EPB41L2: variants seen among roughly 807,000 people sequenced by gnomAD.
EPB41L2 encodes the protein band 4.1-like protein 2.
In EPB41L2, 43 loss-of-function variants were observed where a neutral mutation model predicts 113.0. The observed-to-expected ratio is 0.38, with a 90% confidence interval of 0.30 to 0.49. The LOEUF is 0.49. Among genes scored for constraint, EPB41L2 ranks in the 20% least tolerant of loss-of-function variants. EPB41L2 has a pLI of 0.95. For missense variants in EPB41L2, 1,147 were observed against 1,223.4 expected, an observed-to-expected ratio of 0.94 and a Z score of 0.93; for synonymous variants, 442 against 436.7, an observed-to-expected ratio of 1.01 and a Z score of -0.15.
chr6:130,918,128 A>G (rs1442028071), intron 4 of EPB41L2, among the ~76,000 whole-genome samples: 1 of 152,210 alleles, frequency 6.6e-6, no homozygotes, highest in African/African-American at 2.4e-5. Flanking sequence ...ATCTGGGAGA[A>G]TGTGGGATTA....
At chr6:130,986,516 T>C (rs748038613) in intron 1 of EPB41L2, among the ~76,000 whole-genome samples, 1 of 151,956 alleles carries the variant, frequency 6.6e-6, no homozygotes, top group Non-Finnish European at 1.5e-5. Context: ...TAAAATGGTG[T>C]AGCAGATTCA....
At position 130,961,679 on chromosome 6, in the gene EPB41L2, C is replaced by T. The variant is rs188448327; in HGVS notation, c.-14-5180G>A. On this transcript the variant is annotated intron_variant, in intron 1 of 19. Transcript: ENST00000337057. ...CTTAAAACATTGAGGAAACTGGGAC[C>T]TTACTGTTAACAAAACCCCTGAGCA... 2.0e-5 allele frequency among the ~76,000 whole-genome samples: 3 copies of T among 152,284 alleles called. No individual in the cohort carries two copies. In the East Asian group the frequency reaches 5.8e-4, roughly 29 times the overall value.
At chr6:131,020,782 C>T (rs879259911) in intron 1 of EPB41L2, among the ~76,000 whole-genome samples, 1 of 151,368 alleles carries the variant, frequency 6.6e-6, no homozygotes, top group Non-Finnish European at 1.5e-5. Context: ...GCCAGTAATG[C>T]TCTTGGAACA....
intron 1 of EPB41L2, among the ~76,000 whole-genome samples, chr6:130,997,010 T>C (rs1291858213): frequency 1.3e-5 from 2 of 152,208 alleles, no homozygotes; most frequent in African/African-American, 4.8e-5. Flanking sequence ...TTATAATAAA[T>C]TGGTATTGTG....
intron 11 of EPB41L2, among the ~76,000 whole-genome samples, chr6:130,889,899 C>CAAATATTGCATATT (rs1792224341): frequency 6.6e-6 from 1 of 152,034 alleles, no homozygotes; most frequent in Non-Finnish European, 1.5e-5. Flanking sequence ...TTTTTGTATT[C>CAAATATTGCATATT]TGAAATATGC....
rs1298222459 is a variant in EPB41L2 at position 130,912,580 on chromosome 6, C to G, written c.811-3717G>C. 4.6e-5 allele frequency among the ~76,000 whole-genome samples: 7 copies of G among 152,298 alleles called. No individual in the cohort carries two copies. The East Asian group carries it at 1.4e-3, about 29-fold the overall frequency. ...ATTACTGGTGTCCCAGCTGCATGCA[C>G]TACTGACGTGAGGGGCAGCAGGCCT... On this transcript the variant is annotated intron_variant, in intron 4 of 19. Transcript: ENST00000337057.
chr6:131,059,502 T>A (rs965189803), intron 1 of EPB41L2, among the ~76,000 whole-genome samples: 12 of 152,092 alleles, frequency 7.9e-5, no homozygotes, highest in Admixed American at 5.9e-4. Flanking sequence ...TAGATTTTAG[T>A]CTAGGGCACT....
chr6:131,043,635 C>T (rs1248663991), intron 1 of EPB41L2, among the ~76,000 whole-genome samples: 1 of 152,074 alleles, frequency 6.6e-6, no homozygotes, highest in Admixed American at 6.5e-5. Context: ...TTTGAAGAGA[C>T]CTATCACAAT....
intron 1 of EPB41L2, among the ~76,000 whole-genome samples, chr6:131,029,396 A>ATT (rs1791583759): frequency 1.3e-5 from 2 of 150,550 alleles, no homozygotes; most frequent in African/African-American, 2.4e-5. Context: ...TTGTTTAAAA[A>ATT]AAAAAAAAAA....
intron 19 of EPB41L2, among the ~76,000 whole-genome samples, chr6:130,855,622 C>A (rs1779989562): frequency 6.6e-6 from 1 of 151,946 alleles, no homozygotes; most frequent in Admixed American, 6.5e-5. Context: ...ATTTGTAAGA[C>A]CTCATTTGAT....
In EPB41L2 at chr6:130,861,874, C is replaced by CAAAAAAAA. The variant is rs558987011; in HGVS notation, c.2910+1756_2910+1763dup. 1.6e-4 allele frequency among the ~76,000 whole-genome samples: 19 copies of CAAAAAAAA among 120,624 alleles called. 1 individual carries two copies. Among genetic ancestry groups the CAAAAAAAA allele is most frequent in the East Asian group, 9.3e-4 (4 of 4,298 alleles). 79.1% of individuals were successfully genotyped at this position (120,624 alleles called of 152,430 possible). On this transcript the variant is annotated intron_variant, in intron 18 of 19. Coordinates refer to ENST00000337057, the MANE Select transcript of EPB41L2 (RefSeq NM_001431.4). Reference sequence around the variant, plus strand: ...GCACCAGAGGGAGACTCCATCTCCCCAAAAAAAAAAAAAAAGTTTATGCTA... The same window carrying CAAAAAAAA: ...GCACCAGAGGGAGACTCCATCTCCCCAAAAAAAAAAAAAAAAAAAAAAAGTTTATGCTA...
chr6:130,941,660 TACA>T (rs1810940346), intron 3 of EPB41L2, among the ~76,000 whole-genome samples: 2 of 152,220 alleles, frequency 1.3e-5, no homozygotes, highest in Non-Finnish European at 2.9e-5. Context: ...TGTCAGTGAA[TACA>T]ACAAGTAGAT....
At chr6:130,930,320 A>C (rs1357577064) in intron 3 of EPB41L2, among the ~76,000 whole-genome samples, 1 of 152,208 alleles carries the variant, frequency 6.6e-6, no homozygotes, top group African/African-American at 2.4e-5. Flanking sequence ...GGTAGGAAAG[A>C]ATTACAGGTT....
At chr6:131,023,180 T>G (rs886670742) in intron 1 of EPB41L2, among the ~76,000 whole-genome samples, 1 of 152,234 alleles carries the variant, frequency 6.6e-6, no homozygotes, top group Admixed American at 6.5e-5. Flanking sequence ...TATATTGCTA[T>G]TTTCACATGT....
chr6:131,015,360 AAC>A (rs1160795201), intron 1 of EPB41L2: 1 of 152,198 alleles, frequency 6.6e-6, no homozygotes. Flanking sequence ...AAAAAGTAAA[AAC>A]AGAGATTTCT....
chr6:130,904,985 A>G (rs1013454492), intron 5 of EPB41L2, among the ~76,000 whole-genome samples: 1 of 151,892 alleles, frequency 6.6e-6, no homozygotes, highest in African/African-American at 2.4e-5. Context: ...ATCAAGAGAT[A>G]ATAGCTATTC....
chr6:130,990,236 G>C (rs1285522360), intron 1 of EPB41L2, among the ~76,000 whole-genome samples: 1 of 151,908 alleles, frequency 6.6e-6, no homozygotes, highest in Non-Finnish European at 1.5e-5. Context: ...CAAGAGAATC[G>C]CTGGAACCTG....
intron 1 of EPB41L2, among the ~76,000 whole-genome samples, chr6:130,979,502 A>G (rs1778895478): frequency 6.6e-6 from 1 of 151,294 alleles, no homozygotes; most frequent in Non-Finnish European, 1.5e-5. Flanking sequence ...CAAAAAAAAA[A>G]AAAAAAAAAA....
At chr6:130,873,406 A>G (rs1239237381) in intron 14 of EPB41L2, among the ~76,000 whole-genome samples, 2 of 152,004 alleles carry the variant, frequency 1.3e-5, no homozygotes, top group Non-Finnish European at 2.9e-5. Context: ...AAGAGTCATC[A>G]TGAAGCACCC....
Sources: allele counts gnomAD v4.1 joint callset (sites outside exome capture counted in the v4.1 genomes callset), GRCh38; gene constraint gnomAD v4.1.1; transcripts MANE v1.5; gene names NCBI Gene and HGNC (gene_info 2026-07-23, HGNC 2026-07-21).